Variants in TNFSF4 observed in about 807,000 individuals in gnomAD.
TNFSF4 encodes the protein tumor necrosis factor ligand superfamily member 4.
TNFSF4 carries 4 observed loss-of-function variants against 7.3 expected under a neutral mutation model. The ratio of observed to expected loss-of-function variants is 0.55; its 90% CI spans 0.27 to 1.25. The LOEUF is 1.25. TNFSF4 is among the 50% of genes most tolerant of loss of function. The pLI is 0.12. For missense variants in TNFSF4, 181 were observed against 208.8 expected (o/e 0.87, Z 0.82); for synonymous variants, 76 against 83.7 (o/e 0.91, Z 0.50).
chr1:173,388,833 G>A, the TNFSF4 span, among the ~76,000 whole-genome samples: 1 of 151,902 alleles, frequency 6.6e-6, no homozygotes, highest in East Asian at 1.9e-4. Flanking sequence ...AACATTGATA[G>A]GAATTTTACT....
chr1:173,424,378 C>T, the TNFSF4 span, among the ~76,000 whole-genome samples: 6 of 152,334 alleles, frequency 3.9e-5, no homozygotes, highest in African/African-American at 1.4e-4. Flanking sequence ...GCATGACTAT[C>T]TATAACGAAA....
At chr1:173,367,112 T>C in the TNFSF4 span, among the ~76,000 whole-genome samples, 24 of 152,372 alleles carry the variant, frequency 1.6e-4, no homozygotes, top group East Asian at 2.3e-3. Context: ...CATCCCTTCA[T>C]GTTAGATAGT....
the TNFSF4 span, among the ~76,000 whole-genome samples, chr1:173,273,889 G>T: frequency 6.6e-6 from 1 of 152,062 alleles, no homozygotes; most frequent in Non-Finnish European, 1.5e-5. Flanking sequence ...CATTAGGCTT[G>T]ACTGTATTTT....
At chr1:173,239,558 G>A in the TNFSF4 span, among the ~76,000 whole-genome samples, 1 of 152,274 alleles carries the variant, frequency 6.6e-6, no homozygotes, top group Admixed American at 6.5e-5. Flanking sequence ...AGGGCAGGTA[G>A]AGCAGATCCT....
chr1:173,185,740 T>A lies in TNFSF4; in HGVS notation c.*776A>T, dbSNP rs936766986. On this transcript the variant is annotated 3_prime_UTR_variant, in exon 3 of 3. Coordinates refer to ENST00000281834, the MANE Select transcript of TNFSF4 (RefSeq NM_003326.5). Reference sequence around the variant, plus strand: ...GTACAGTAAAGCTAACCCTTCACAATAAGTTATCTCACTCTCCCTGTATAC... The same window carrying A: ...GTACAGTAAAGCTAACCCTTCACAAAAAGTTATCTCACTCTCCCTGTATAC... 3 of 152,204 alleles carry A rather than the reference T, an allele frequency of 2.0e-5. No individual in the cohort carries two copies. The highest frequency in any genetic ancestry group is 4.4e-5 in the Non-Finnish European group (3 of 68,040). The allele number at this position is 152,204 out of a possible 1,614,324, so 9.4% of individuals were successfully genotyped here.
At chr1:173,391,968 G>A in the TNFSF4 span, among the ~76,000 whole-genome samples, 25 of 152,168 alleles carry the variant, frequency 1.6e-4, no homozygotes, top group African/African-American at 5.8e-4. Context: ...AAATGGACCT[G>A]CAAGCATTTA....
upstream of TNFSF4, among the ~76,000 whole-genome samples, chr1:173,210,440 G>A (rs1650334673): frequency 6.6e-6 from 1 of 152,172 alleles, no homozygotes; most frequent in Admixed American, 6.5e-5. Context: ...GGCCAGGAGT[G>A]AGGGCAGTGG....
intron 1 of TNFSF4, among the ~76,000 whole-genome samples, chr1:173,188,987 A>G (rs181319461): frequency 6.6e-6 from 1 of 152,266 alleles, no homozygotes; most frequent in Non-Finnish European, 1.5e-5. Flanking sequence ...AGCCTCCCAA[A>G]GTGCTGGGAT....
the TNFSF4 span, among the ~76,000 whole-genome samples, chr1:173,283,286 T>C: frequency 6.6e-6 from 1 of 151,874 alleles, no homozygotes; most frequent in Non-Finnish European, 1.5e-5. Flanking sequence ...TCTCACCCCA[T>C]CCTTTCCCCC....
At chr1:173,368,599 G>C in the TNFSF4 span, among the ~76,000 whole-genome samples, 84 of 152,282 alleles carry the variant, frequency 5.5e-4, no homozygotes, top group Middle Eastern at 3.4e-3. Context: ...ACTCTTTGGA[G>C]TTGGGAGCGT....
the TNFSF4 span, among the ~76,000 whole-genome samples, chr1:173,436,177 C>A: frequency 6.6e-6 from 1 of 152,096 alleles, no homozygotes; most frequent in South Asian, 2.1e-4. Flanking sequence ...CAAGTGCAGG[C>A]AGTTTATCTG....
Position 173,189,083 on chromosome 1 carries a change from A to G in TNFSF4, c.154-514T>C, listed in dbSNP as rs79407384. Among the ~76,000 whole-genome samples, 892 of 152,146 alleles carry G rather than the reference A, an allele frequency of 5.9e-3. 4 individuals carry two copies. Among genetic ancestry groups the G allele is most frequent in the South Asian group, 9.2e-3 (44 of 4,804 alleles). Reference sequence around the variant, plus strand: ...CCACCTTCCCCCTTGCTTTTCCATAATATCTCTTAAGATAAATTAGGACTA... The same window carrying G: ...CCACCTTCCCCCTTGCTTTTCCATAGTATCTCTTAAGATAAATTAGGACTA... On this transcript the variant is annotated intron_variant, in intron 1 of 2. Transcript: ENST00000281834.
At chr1:173,309,547 G>A in the TNFSF4 span, among the ~76,000 whole-genome samples, 418 of 151,772 alleles carry the variant, frequency 2.8e-3, 5 homozygotes, top group African/African-American at 8.4e-3. Flanking sequence ...AACTTGATGG[G>A]GATATAGTAT....
chr1:173,216,444 A>C, the TNFSF4 span, among the ~76,000 whole-genome samples: 3 of 152,214 alleles, frequency 2.0e-5, no homozygotes, highest in Admixed American at 1.3e-4. Flanking sequence ...AAGGTAATGA[A>C]CATAGGCAAG....
At chr1:173,386,773 G>GGCAA in the TNFSF4 span, among the ~76,000 whole-genome samples, 1 of 152,192 alleles carries the variant, frequency 6.6e-6, no homozygotes, top group Non-Finnish European at 1.5e-5. Flanking sequence ...CTGAAGCCTT[G>GGCAA]GGAGCCCAAT....
At chr1:173,390,243 A>G in the TNFSF4 span, among the ~76,000 whole-genome samples, 10 of 152,168 alleles carry the variant, frequency 6.6e-5, no homozygotes, top group African/African-American at 2.4e-4. Context: ...TGTCCAGCCA[A>G]AAGTAGTCAT....
In TNFSF4 at chr1:173,207,309, G is replaced by A; in HGVS notation, c.-133C>T. 1 of 773,640 alleles carries A rather than the reference G, an allele frequency of 1.3e-6. No individual in the cohort carries two copies. 47.9% of individuals were successfully genotyped at this position (773,640 alleles called of 1,614,324 possible). ...AATCAGAAAATAGGCAAAGGTCCCA[G>A]GGCCAGAGATAAAAGGCGATTGAAA... On this transcript the variant is annotated 5_prime_UTR_variant, in exon 1 of 3. Coordinates refer to ENST00000281834, the MANE Select transcript of TNFSF4 (RefSeq NM_003326.5).
the TNFSF4 span, among the ~76,000 whole-genome samples, chr1:173,328,746 T>C: frequency 6.6e-6 from 1 of 152,072 alleles, no homozygotes; most frequent in Non-Finnish European, 1.5e-5. Context: ...GCCATGACTT[T>C]GGATTTGTCC....
At chr1:173,425,567 G>C in the TNFSF4 span, among the ~76,000 whole-genome samples, 1 of 152,206 alleles carries the variant, frequency 6.6e-6, no homozygotes, top group South Asian at 2.1e-4. Flanking sequence ...TAGTGATATG[G>C]GGAAGAAGAG....
Sources: allele counts gnomAD v4.1 joint callset (sites outside exome capture counted in the v4.1 genomes callset), GRCh38; gene constraint gnomAD v4.1.1; transcripts MANE v1.5; gene names NCBI Gene and HGNC (gene_info 2026-07-23, HGNC 2026-07-21).